Variants in LRP1B observed in about 807,000 individuals in gnomAD.
LRP1B encodes LDL receptor related protein 1B.
LRP1B carries 217 observed loss-of-function variants against 556.6 expected under a neutral mutation model. The ratio of observed to expected loss-of-function variants is 0.39; its 90% CI spans 0.35 to 0.44. The LOEUF (loss-of-function observed/expected upper bound fraction) is 0.44, where lower values mean the gene tolerates loss of function less well. LRP1B is among the 20% of genes least tolerant of loss of function. The pLI is 1.00. For synonymous variants in LRP1B, 2,047 were observed against 1,865.8 expected (o/e 1.10, Z -2.50); for missense variants, 5,053 against 5,620.8 (o/e 0.90, Z 3.23).
At chr2:140,267,055 T>A (rs1311744332) in intron 86 of LRP1B, among the ~76,000 whole-genome samples, 2 of 152,000 alleles carry the variant, frequency 1.3e-5, no homozygotes, top group African/African-American at 4.8e-5. Context: ...TGTTGTAATC[T>A]ATGAAAAGGG....
At chr2:141,539,857 C>G (rs183263323) in intron 2 of LRP1B, among the ~76,000 whole-genome samples, 7 of 152,080 alleles carry the variant, frequency 4.6e-5, no homozygotes. Flanking sequence ...CTTTTTCAAG[C>G]ACTTAAAAAT....
intron 82 of LRP1B, among the ~76,000 whole-genome samples, chr2:140,316,649 G>A (rs1264400925): frequency 6.6e-6 from 1 of 152,086 alleles, no homozygotes; most frequent in East Asian, 1.9e-4. Flanking sequence ...TACCTGATTT[G>A]AGCCTCAGTT....
chr2:141,966,122 A>C (rs1165022248), intron 1 of LRP1B, among the ~76,000 whole-genome samples: 1 of 151,868 alleles, frequency 6.6e-6, no homozygotes, highest in Non-Finnish European at 1.5e-5. Flanking sequence ...TAAGTGGAGC[A>C]AGGCTTATAT....
At chr2:141,386,205 T>C (rs1047508977) in intron 3 of LRP1B, among the ~76,000 whole-genome samples, 6 of 152,160 alleles carry the variant, frequency 3.9e-5, no homozygotes, top group African/African-American at 1.2e-4. Context: ...GGGTCCCATC[T>C]CCAAGATATC....
At chr2:141,200,609 CT>C (rs1680102640) in intron 6 of LRP1B, among the ~76,000 whole-genome samples, 1 of 152,082 alleles carries the variant, frequency 6.6e-6, no homozygotes, top group Non-Finnish European at 1.5e-5. Flanking sequence ...ACTTATCCCC[CT>C]ATATGTACAC....
intron 1 of LRP1B, among the ~76,000 whole-genome samples, chr2:141,979,805 T>C (rs1420942625): frequency 3.9e-5 from 6 of 152,078 alleles, no homozygotes; most frequent in African/African-American, 1.4e-4. Context: ...GCTTACCAAA[T>C]TGGATGAGGA....
intron 3 of LRP1B, among the ~76,000 whole-genome samples, chr2:141,269,976 T>G (rs1685029013): frequency 6.6e-6 from 1 of 151,958 alleles, no homozygotes; most frequent in South Asian, 2.1e-4. Context: ...ATTCCAAACA[T>G]GTGTAAGTGG....
rs374058974 is a variant in LRP1B, at chr2:140,989,549, G to A, written c.2753C>T (p.Ser918Phe). ...ANDCGSNEDE[S>F]NQTCTARTCQ... The stretch of plus-strand genomic sequence containing the variant: ...ACCTTTACCTGTGCAAGTTTGATTG[G>A]ATTCATCTTCATTGCTCCCACAGTC... Residue 918 changes from serine to phenylalanine, a missense_variant, in exon 17 of 91, where the codon TCC (serine) becomes TTC (phenylalanine). Coordinates refer to ENST00000389484, the MANE Select transcript of LRP1B (RefSeq NM_018557.3). 3 of 1,613,044 alleles carry A rather than the reference G, an allele frequency of 1.9e-6. No individual in the cohort carries two copies. The African/African-American group carries it at 4.0e-5, about 22-fold the overall frequency.
At chr2:140,562,134 T>C (rs1260281327) in intron 43 of LRP1B, among the ~76,000 whole-genome samples, 2 of 151,950 alleles carry the variant, frequency 1.3e-5, no homozygotes, top group Non-Finnish European at 2.9e-5. Flanking sequence ...CAATACCTAG[T>C]GGTGGTGGTG....
intron 1 of LRP1B, among the ~76,000 whole-genome samples, chr2:141,832,322 C>CTT: frequency 1.3e-5 from 1 of 79,202 alleles, no homozygotes; most frequent in Non-Finnish European, 2.6e-5. Context: ...CTATCTCTTT[C>CTT]TCTCTCACAC....
chr2:140,539,768 C>T (rs902151678), intron 45 of LRP1B, among the ~76,000 whole-genome samples: 1 of 152,052 alleles, frequency 6.6e-6, no homozygotes, highest in Non-Finnish European at 1.5e-5. Context: ...TAAGCAATTG[C>T]CTGAGCAATT....
At chr2:141,629,490 A>G (rs1688829497) in intron 2 of LRP1B, among the ~76,000 whole-genome samples, 1 of 152,186 alleles carries the variant, frequency 6.6e-6, no homozygotes, top group African/African-American at 2.4e-5. Flanking sequence ...CCTTGCACAA[A>G]TCTACCACCA....
intron 1 of LRP1B, among the ~76,000 whole-genome samples, chr2:142,073,099 A>G (rs1263983421): frequency 6.6e-6 from 1 of 152,046 alleles, no homozygotes; most frequent in Non-Finnish European, 1.5e-5. Flanking sequence ...ACTAATTACA[A>G]TTAATTTACT....
intron 1 of LRP1B, among the ~76,000 whole-genome samples, chr2:141,952,014 C>T (rs1285922927): frequency 9.8e-5 from 12 of 122,950 alleles, no homozygotes; most frequent in South Asian, 6.2e-4. Context: ...CCCCACCCCA[C>T]GACAGGCCCC....
chr2:141,047,082 T>C (rs1022633680), intron 11 of LRP1B, among the ~76,000 whole-genome samples: 1 of 21,382 alleles, frequency 4.7e-5, no homozygotes, highest in African/African-American at 1.1e-4. Flanking sequence ...ATAATAATAA[T>C]AATAAATGCA....
intron 1 of LRP1B, among the ~76,000 whole-genome samples, chr2:141,939,615 C>T (rs1700736415): frequency 6.6e-6 from 1 of 151,864 alleles, no homozygotes; most frequent in Admixed American, 6.6e-5. Context: ...TACTTAAAAC[C>T]TAACTTTCTA....
intron 3 of LRP1B, among the ~76,000 whole-genome samples, chr2:141,333,858 T>G (rs1687748310): frequency 6.6e-6 from 1 of 152,152 alleles, no homozygotes; most frequent in African/African-American, 2.4e-5. Context: ...TGCAGAAGTG[T>G]CTCAGAGTGT....
At chr2:141,548,207 G>A (rs1417517717) in intron 2 of LRP1B, among the ~76,000 whole-genome samples, 3 of 152,178 alleles carry the variant, frequency 2.0e-5, no homozygotes, top group South Asian at 4.1e-4. Context: ...GCAACTTGAA[G>A]GGTATTATGA....
At position 141,580,932 on chromosome 2, in the gene LRP1B, A is replaced by T. The variant is rs73965715; in HGVS notation, c.206-100399T>A. ...CTTTGGGCTTCCAGAGCACAGATAA[A>T]CTCATCAGATCTGACTGTTTATATT... On this transcript the variant is annotated intron_variant, in intron 2 of 90. Coordinates refer to ENST00000389484, the MANE Select transcript of LRP1B (RefSeq NM_018557.3). 5.8e-3 allele frequency among the ~76,000 whole-genome samples: 880 copies of T among 152,286 alleles called. 7 individuals carry two copies. The highest frequency in any genetic ancestry group is 0.02 in the African/African-American group (825 of 41,554).
Sources: gnomAD v4.1 joint callset for allele counts (sites outside exome capture counted in the v4.1 genomes callset) on GRCh38, gnomAD v4.1.1 for gene constraint, MANE v1.5 for transcripts, NCBI Gene and HGNC (gene_info 2026-07-23, HGNC 2026-07-21) for gene names.